KCNK2: variants seen among roughly 807,000 people sequenced by gnomAD.
The protein encoded by KCNK2 is potassium two pore domain channel subfamily K member 2, also known as potassium channel subfamily K member 2.
KCNK2 carries 21 observed loss-of-function variants against 40.5 expected under a neutral mutation model. That is an observed-to-expected ratio of 0.52 (90% CI 0.37 to 0.75). The LOEUF (loss-of-function observed/expected upper bound fraction) is 0.75. KCNK2 is among the 30% of genes least tolerant of loss of function. The probability of loss-of-function intolerance (pLI) is 0.00; values close to 1 mark genes in which losing one functional copy is unlikely to be tolerated. For synonymous variants in KCNK2, 191 were observed against 202.2 expected, an observed-to-expected ratio of 0.94 and a Z score of 0.47; for missense variants, 399 against 531.6, an observed-to-expected ratio of 0.75 and a Z score of 2.45.
In KCNK2 at chr1:215,237,038, G is replaced by A. The variant is rs1034188515; in HGVS notation, c.*1893G>A. 3 of 152,352 alleles carry A rather than the reference G, an allele frequency of 2.0e-5. No individual in the cohort carries two copies. Among genetic ancestry groups the A allele is most frequent in the African/African-American group, 2.4e-5 (1 of 41,372 alleles). The allele number at this position is 152,352 out of a possible 1,614,324, so 9.4% of individuals were successfully genotyped here. On this transcript the variant is annotated 3_prime_UTR_variant, in exon 7 of 7. Coordinates refer to ENST00000444842, the MANE Select transcript of KCNK2 (RefSeq NM_001017425.3). The stretch of plus-strand genomic sequence containing the variant: ...TCCGAAAATTTATATGGTGGAATGC[G>A]CCATGTATAAACTGTGAATTGTATT...
intron 3 of KCNK2, among the ~76,000 whole-genome samples, chr1:215,137,942 G>A (rs1662001760): frequency 6.6e-6 from 1 of 152,018 alleles, no homozygotes; most frequent in Non-Finnish European, 1.5e-5. Flanking sequence ...CTGAAGAGAG[G>A]GTCCACAGCA....
intron 1 of KCNK2, among the ~76,000 whole-genome samples, chr1:215,029,331 T>C (rs143623466): frequency 8.1e-4 from 123 of 151,796 alleles, no homozygotes; most frequent in Non-Finnish European, 1.4e-3. Flanking sequence ...CCTATCCCCA[T>C]AGTTTTGCCT....
At chr1:215,142,893 T>C (rs1662245006) in intron 3 of KCNK2, among the ~76,000 whole-genome samples, 1 of 152,170 alleles carries the variant, frequency 6.6e-6, no homozygotes, top group Non-Finnish European at 1.5e-5. Context: ...TCTAATAGAC[T>C]AAATTTAGGA....
chr1:215,221,335 C>T (rs1351916524), intron 6 of KCNK2, among the ~76,000 whole-genome samples: 1 of 152,122 alleles, frequency 6.6e-6, no homozygotes, highest in African/African-American at 2.4e-5. Flanking sequence ...GATCGCGCCA[C>T]TACACTCCAG....
At chr1:215,113,035 T>C (rs1395789004) in intron 2 of KCNK2, among the ~76,000 whole-genome samples, 1 of 152,164 alleles carries the variant, frequency 6.6e-6, no homozygotes, top group Non-Finnish European at 1.5e-5. Context: ...TACTCAAAAA[T>C]CAGTAAGCAT....
chr1:215,116,960 T>C (rs2102570970), intron 2 of KCNK2, among the ~76,000 whole-genome samples: 1 of 152,126 alleles, frequency 6.6e-6, no homozygotes, highest in South Asian at 2.1e-4. Context: ...TCCATTTCTT[T>C]TCTCCACATG....
chr1:215,228,321 G>A (rs1666476602), intron 6 of KCNK2, among the ~76,000 whole-genome samples: 2 of 152,180 alleles, frequency 1.3e-5, no homozygotes, highest in Admixed American at 6.5e-5. Flanking sequence ...GATTGGGAGG[G>A]ACGGAGCAGT....
Position 215,086,620 on chromosome 1 carries a change from A to G in KCNK2, c.299A>G (p.Gln100Arg). ...SQRTTIVIQK[Q>R]TFISQHSCVN... ...AGGACCACCATTGTGATCCAGAAGC[A>G]AACATTCATATCCCAACATTCCTGT... The change falls in exon 2 of 7, where the codon CAA (glutamine) becomes CGA (arginine). Residue 100 changes from glutamine (Q) to arginine (R), a missense_variant. By Grantham distance (43) the Gln-to-Arg change is conservative. Around this residue, in one of 3 missense-constraint regions of KCNK2, gnomAD observed 279 missense variants for 353.8 expected, o/e 0.79. Coordinates refer to ENST00000444842, the MANE Select transcript of KCNK2 (RefSeq NM_001017425.3). 1.2e-6 allele frequency: 2 copies of G among 1,614,228 alleles called. No homozygotes were observed. Among genetic ancestry groups the G allele is most frequent in the Non-Finnish European group, 1.7e-6 (2 of 1,180,038 alleles).
rs760216042 is a variant in KCNK2, at chr1:215,169,342, G to A, written c.619G>A (p.Val207Met). 5 of 1,611,472 alleles carry A rather than the reference G, an allele frequency of 3.1e-6. No homozygotes were observed. Among genetic ancestry groups the A allele is most frequent in the Admixed American group, 3.4e-5 (2 of 59,596 alleles). The change falls in exon 4 of 7, where the codon GTG (valine) becomes ATG (methionine). Residue 207 changes from valine to methionine, a missense_variant. Physicochemically the swap from Val to Met is conservative, Grantham distance 21 (BLOSUM62 1). Transcript: ENST00000444842. ...CATATTTGGAAAAGGAATTGCCAAA[G>A]TGGAAGATACGTTTATTGTGAGTAT... ...GTIFGKGIAKVEDTFIKWNVS... is the reference protein window; with the variant it reads ...GTIFGKGIAKMEDTFIKWNVS...
rs1247910041 is a variant in KCNK2 at position 215,115,076 on chromosome 1, GA to G, written c.358-9556del. Among the ~76,000 whole-genome samples the G allele has an allele frequency of 1.0e-3, 153 of 151,374 alleles. 1 individual carries two copies. Among genetic ancestry groups the G allele is most frequent in the African/African-American group, 3.5e-3 (146 of 41,316 alleles). ...ATCACTATGATATTTTAGTTACTATGATTTTTTAATTTCAGTTCTCACTATG... is the reference window on the plus strand; with the variant it reads ...ATCACTATGATATTTTAGTTACTATGTTTTTTAATTTCAGTTCTCACTATG... On this transcript the variant is annotated intron_variant, in intron 2 of 6. Coordinates refer to ENST00000444842, the MANE Select transcript of KCNK2 (RefSeq NM_001017425.3).
intron 1 of KCNK2, among the ~76,000 whole-genome samples, chr1:215,063,491 T>C (rs1387204262): frequency 6.6e-6 from 1 of 152,176 alleles, no homozygotes; most frequent in African/African-American, 2.4e-5. Context: ...ATTTTGGACT[T>C]TCTACTCAAC....
At chr1:215,165,717 G>C (rs1046488870) in intron 3 of KCNK2, among the ~76,000 whole-genome samples, 2 of 151,990 alleles carry the variant, frequency 1.3e-5, no homozygotes, top group Non-Finnish European at 2.9e-5. Context: ...GGTAACTAAG[G>C]AGTGATGGTT....
chr1:215,184,873 CA>C (rs1032701358), intron 5 of KCNK2, among the ~76,000 whole-genome samples: 2 of 150,714 alleles, frequency 1.3e-5, no homozygotes, highest in East Asian at 1.9e-4. Flanking sequence ...GATCTGAGAC[CA>C]AAAAAAATAC....
chr1:215,042,906 C>G (rs1416409326), intron 1 of KCNK2, among the ~76,000 whole-genome samples: 1 of 152,100 alleles, frequency 6.6e-6, no homozygotes, highest in Admixed American at 6.5e-5. Context: ...AGACAAAATG[C>G]CAATGTATCC....
intron 5 of KCNK2, among the ~76,000 whole-genome samples, chr1:215,183,679 AC>A (rs1664318440): frequency 6.6e-6 from 1 of 152,178 alleles, no homozygotes; most frequent in South Asian, 2.1e-4. Flanking sequence ...ATAAATCTAA[AC>A]CATTCTCTTA....
intron 1 of KCNK2, among the ~76,000 whole-genome samples, chr1:215,014,054 G>C (rs1175139557): frequency 6.6e-6 from 1 of 152,038 alleles, no homozygotes; most frequent in African/African-American, 2.4e-5. Context: ...TTTTTAAATA[G>C]ATACTCTTTA....
rs538093316 is a variant in KCNK2 at position 215,113,331 on chromosome 1, C to T, written c.358-11302C>T. Among the ~76,000 whole-genome samples the T allele has an allele frequency of 6.6e-4, 101 of 152,180 alleles. 1 individual carries two copies. The Middle Eastern group carries it at 0.02, about 31-fold the overall frequency. Reference sequence around the variant, plus strand: ...CAACCAAAGCAGTAATACAACTGAACTATTAATATAACCCCAAGACCTGAA... The same window carrying T: ...CAACCAAAGCAGTAATACAACTGAATTATTAATATAACCCCAAGACCTGAA... On this transcript the variant is annotated intron_variant, in intron 2 of 6. Transcript: ENST00000444842.
At chr1:215,147,844 A>AAAAC (rs919390528) in intron 3 of KCNK2, among the ~76,000 whole-genome samples, 3 of 152,038 alleles carry the variant, frequency 2.0e-5, no homozygotes, top group East Asian at 1.9e-4. Flanking sequence ...CAAAAAACAA[A>AAAAC]AAACAAACAA....
At chr1:215,015,955 G>A (rs1656571793) in intron 1 of KCNK2, among the ~76,000 whole-genome samples, 1 of 152,120 alleles carries the variant, frequency 6.6e-6, no homozygotes, top group Non-Finnish European at 1.5e-5. Context: ...AAGCTAAAGT[G>A]GTTTCAGATC....
Sources: allele counts gnomAD v4.1 joint callset (sites outside exome capture counted in the v4.1 genomes callset), GRCh38; gene constraint gnomAD v4.1.1; regional missense constraint gnomAD v4.1.1; transcripts MANE v1.5; gene names NCBI Gene and HGNC (gene_info 2026-07-23, HGNC 2026-07-21).